The following MAN1A2 variants were observed in gnomAD, a reference collection of about 807,000 sequenced individuals.
MAN1A2 encodes mannosidase alpha class 1A member 2.
In MAN1A2, 26 loss-of-function variants were observed where a neutral mutation model predicts 75.7. The observed-to-expected ratio is 0.34, with a 90% CI of 0.25 to 0.48. MAN1A2 has a LOEUF of 0.48. MAN1A2 is among the 20% of genes least tolerant of loss of function. The pLI is 0.99. For missense variants in MAN1A2, 562 were observed against 775.5 expected (o/e 0.72, Z 3.27); for synonymous variants, 247 against 264.6 (o/e 0.93, Z 0.65).
intron 9 of MAN1A2, chr1:117,494,907 A>G (rs1434632108): frequency 6.6e-6 from 1 of 151,920 alleles, no homozygotes. Context: ...AAACATAATA[A>G]GTATTCCGTA....
At chr1:117,414,593 A>G in intron 3 of MAN1A2, 120 bp from the exon 4 acceptor site, 1 of 554,492 alleles carries the variant, frequency 1.8e-6, no homozygotes, top group Non-Finnish European at 3.3e-6. Context: ...ACTTTAGTTT[A>G]CCTTTATACA....
intron 12 of MAN1A2, 34 bp downstream of exon 12, chr1:117,503,004 T>A: frequency 1.7e-6 from 2 of 1,166,842 alleles, no homozygotes; most frequent in Non-Finnish European, 2.5e-6. Flanking sequence ...ATTTTTATAC[T>A]AGACTGGTTT....
chr1:117,376,036 C>G (rs960865303), intron 1 of MAN1A2, among the ~76,000 whole-genome samples: 1 of 151,958 alleles, frequency 6.6e-6, no homozygotes. Flanking sequence ...CTCAGCCGCC[C>G]GAGTAGCTGG....
chr1:117,471,956 A>T (rs966864507), intron 8 of MAN1A2, among the ~76,000 whole-genome samples: 2 of 151,918 alleles, frequency 1.3e-5, no homozygotes, highest in Admixed American at 6.6e-5. Context: ...CATTGTAATA[A>T]ATAGGCTAAA....
intron 3 of MAN1A2, 63 bp downstream of exon 3, chr1:117,405,708 A>T: frequency 1.1e-6 from 1 of 939,162 alleles, no homozygotes; most frequent in Non-Finnish European, 1.7e-6. Flanking sequence ...AACAAGATGT[A>T]ACTTTTCAAA....
chr1:117,423,759 C>T (rs1648272774), intron 5 of MAN1A2, among the ~76,000 whole-genome samples: 1 of 152,024 alleles, frequency 6.6e-6, no homozygotes, highest in Admixed American at 6.6e-5. Flanking sequence ...TAAAAAAGTG[C>T]TAAAGGTACA....
At chr1:117,484,033 G>A (rs1450469323) in intron 8 of MAN1A2, among the ~76,000 whole-genome samples, 3 of 151,750 alleles carry the variant, frequency 2.0e-5, no homozygotes, top group Non-Finnish European at 4.4e-5. Context: ...AACACAGGGG[G>A]GTTAGAGTCA....
At chr1:117,379,404 T>C (rs1334308321) in intron 1 of MAN1A2, among the ~76,000 whole-genome samples, 1 of 152,186 alleles carries the variant, frequency 6.6e-6, no homozygotes, top group Non-Finnish European at 1.5e-5. Context: ...TAGTGTGGGC[T>C]CTTCTACCTT....
chr1:117,497,046 G>A, intron 10 of MAN1A2, 64 bp downstream of exon 10: 1 of 1,343,306 alleles, frequency 7.4e-7, no homozygotes, highest in African/African-American at 1.5e-5. Flanking sequence ...AATGTGTTCA[G>A]CAATAAGAAG....
At chr1:117,420,716 A>G (rs1162267564) in intron 5 of MAN1A2, 67 bp downstream of exon 5, 6 of 1,145,406 alleles carry the variant, frequency 5.2e-6, no homozygotes, top group South Asian at 3.7e-5. Flanking sequence ...AAAATGAACA[A>G]TTTCCCTAGA....
rs1258201570 is a variant in MAN1A2 at position 117,402,420 on chromosome 1, G to A, written c.537G>A (p.Glu179=). The stretch of plus-strand genomic sequence containing the variant: ...ACCCAGAAGATAATGACATAAGAGA[G>A]AAAAGGGAAAAAATTAAAGAGGTAA... ...GGDPEDNDIR[E]KREKIKEMMK... Residue 179 remains glutamate, a synonymous_variant, in exon 2 of 13, where the codon GAG becomes GAA. Coordinates refer to ENST00000356554, the MANE Select transcript of MAN1A2 (RefSeq NM_006699.5). 4 of 1,592,776 alleles carry A rather than the reference G, an allele frequency of 2.5e-6. No individual in the cohort carries two copies. The highest frequency in any genetic ancestry group is 1.8e-5 in the Admixed American group (1 of 54,238).
intron 1 of MAN1A2, among the ~76,000 whole-genome samples, chr1:117,392,448 A>C (rs990973480): frequency 1.3e-5 from 2 of 151,922 alleles, no homozygotes; most frequent in Non-Finnish European, 2.9e-5. Flanking sequence ...ATTCTTTTCT[A>C]TGTATATCTT....
At position 117,523,368 on chromosome 1, in the gene MAN1A2, A is replaced by G; in HGVS notation, c.*411A>G. On this transcript the variant is annotated 3_prime_UTR_variant, in exon 13 of 13. Transcript: ENST00000356554. Reference sequence around the variant, plus strand: ...TATTTGTTTCCTCCTACAGTGGAGCAGCATTCAAATCAAATATTTACATAT... The same window carrying G: ...TATTTGTTTCCTCCTACAGTGGAGCGGCATTCAAATCAAATATTTACATAT... The G allele has an allele frequency of 2.4e-6, 1 of 419,710 alleles. No homozygotes were observed. Among genetic ancestry groups the G allele is most frequent in the African/African-American group, 2.1e-5 (1 of 48,016 alleles). The allele number at this position is 419,710 out of a possible 1,614,324, so 26.0% of individuals were successfully genotyped here.
intron 1 of MAN1A2, among the ~76,000 whole-genome samples, chr1:117,383,482 G>A (rs1653421290): frequency 6.6e-6 from 1 of 152,128 alleles, no homozygotes; most frequent in South Asian, 2.1e-4. Context: ...AAATGAATTA[G>A]GAAATCATTC....
intron 1 of MAN1A2, among the ~76,000 whole-genome samples, chr1:117,378,519 G>GT (rs987882400): frequency 3.3e-5 from 5 of 151,652 alleles, no homozygotes; most frequent in South Asian, 2.1e-4. Context: ...TTAGTTTTTA[G>GT]TTTTTTTTGT....
At chr1:117,427,740 CAT>C (rs140880632) in intron 5 of MAN1A2, among the ~76,000 whole-genome samples, 11,572 of 152,230 alleles carry the variant, frequency 0.076, 487 homozygotes, top group Middle Eastern at 0.15. Flanking sequence ...AGAAATGACA[CAT>C]GTTATATGTG....
At chr1:117,431,015 C>T (rs1440974879) in intron 5 of MAN1A2, among the ~76,000 whole-genome samples, 2 of 129,438 alleles carry the variant, frequency 1.5e-5, no homozygotes, top group Non-Finnish European at 3.3e-5. Flanking sequence ...GGAGACCGGC[C>T]CGGCCAACAC....
intron 1 of MAN1A2, among the ~76,000 whole-genome samples, chr1:117,388,375 C>A (rs976862769): frequency 1.3e-5 from 2 of 152,040 alleles, no homozygotes; most frequent in South Asian, 4.1e-4. Flanking sequence ...TTAGGCTGTT[C>A]TTGCATTGCT....
At chr1:117,449,530 G>A (rs1649340342) in intron 6 of MAN1A2, among the ~76,000 whole-genome samples, 1 of 148,510 alleles carries the variant, frequency 6.7e-6, no homozygotes. Flanking sequence ...CTGCACTCCA[G>A]CCTGGGTGAC....
Sources: allele counts gnomAD v4.1 joint callset (sites outside exome capture counted in the v4.1 genomes callset), GRCh38; gene constraint gnomAD v4.1.1; transcripts MANE v1.5; gene names NCBI Gene and HGNC (gene_info 2026-07-23, HGNC 2026-07-21).